Variants in NOC3L observed in about 807,000 individuals in gnomAD.
NOC3L encodes the protein nucleolar complex protein 3 homolog.
A neutral mutation model predicts 102.5 loss-of-function variants in NOC3L; 85 were observed. The ratio of observed to expected loss-of-function variants is 0.83; its 90% CI spans 0.70 to 0.99. NOC3L has a LOEUF of 0.99. Ranked by LOEUF, NOC3L falls within the 50% of genes least tolerant of loss-of-function variation. The pLI is 0.00. For missense variants in NOC3L, 878 were observed against 914.9 expected, an observed-to-expected ratio of 0.96 and a Z score of 0.52; for synonymous variants, 303 against 309.4, an observed-to-expected ratio of 0.98 and a Z score of 0.22.
At chr10:94,350,674 C>T in intron 8 of NOC3L, among the ~76,000 whole-genome samples, 1 of 146,702 alleles carries the variant, frequency 6.8e-6, no homozygotes, top group South Asian at 2.1e-4. Context: ...GCTGTGACTG[C>T]ACCACTGCAT....
chr10:94,348,263 T>A (rs1021200719), intron 10 of NOC3L, among the ~76,000 whole-genome samples: 1 of 151,268 alleles, frequency 6.6e-6, no homozygotes, highest in Non-Finnish European at 1.5e-5. Flanking sequence ...AAAATTAAAA[T>A]TAAAAATCTC....
chr10:94,315,676 T>C, the NOC3L span, among the ~76,000 whole-genome samples: 46,469 of 148,592 alleles, frequency 0.31, 7,461 homozygotes, highest in Middle Eastern at 0.48. Context: ...GGCTGAGGCA[T>C]GAGAATCACT....
intron 7 of NOC3L, among the ~76,000 whole-genome samples, chr10:94,352,609 G>A (rs1440898042): frequency 1.3e-5 from 2 of 152,118 alleles, no homozygotes. Context: ...ATCACCTGAG[G>A]TCAGGTGTTT....
rs545543986 is a variant in NOC3L, at chr10:94,360,785, C to T, written c.217+880G>A. On this transcript the variant is annotated intron_variant, in intron 2 of 20. Coordinates refer to ENST00000371361, the MANE Select transcript of NOC3L (RefSeq NM_022451.11). ...TGATGTGATTATTATGCATTGTATG[C>T]CTGTATCAAAGTACCTCATGTATCC... is the stretch of plus-strand genomic sequence containing the variant. Among the ~76,000 whole-genome samples, 5 of 152,074 alleles carry T rather than the reference C, an allele frequency of 3.3e-5. No individual in the cohort carries two copies. The East Asian group carries it at 7.7e-4, about 23-fold the overall frequency.
chr10:94,340,250 A>G (rs540151419), intron 16 of NOC3L, 26 bp downstream of exon 16: 1 of 1,563,750 alleles, frequency 6.4e-7, no homozygotes. Flanking sequence ...ATACATATAA[A>G]AGAAACATTA....
At chr10:94,358,046 A>G (rs2054508322) in intron 3 of NOC3L, 37 bp downstream of exon 3, 1 of 1,377,766 alleles carries the variant, frequency 7.3e-7, no homozygotes, top group Non-Finnish European at 1.0e-6. Flanking sequence ...TTAACACTAA[A>G]TGGATATGAA....
Position 94,357,287 on chromosome 10 carries a change from TC to T in NOC3L, c.394del (p.Asp132IlefsTer18), listed in dbSNP as rs765949966. ...AGTTCTTGGTATTTTTTCATATTTATCTATAATGCGTTCATGCTTCCGTTTC... is the reference window on the plus strand; with the variant it reads ...AGTTCTTGGTATTTTTTCATATTTATTATAATGCGTTCATGCTTCCGTTTC... The part of the protein sequence containing the change: ...AKKRKHERII[D>X]KYEKIPRTLQ... On this transcript the variant is annotated frameshift_variant, in exon 4 of 21. Transcript: ENST00000371361. LOFTEE classifies it high-confidence loss of function. 1 of 1,605,940 alleles carries T rather than the reference TC, an allele frequency of 6.2e-7. No individual in the cohort carries two copies. The highest frequency in any genetic ancestry group is 8.5e-7 in the Non-Finnish European group (1 of 1,176,120).
intron 5 of NOC3L, 42 bp from the exon 6 acceptor site, chr10:94,355,135 C>G: frequency 6.6e-7 from 1 of 1,504,830 alleles, no homozygotes; most frequent in Non-Finnish European, 9.0e-7. Context: ...CCTCTGCTTA[C>G]AAGTATCCAA....
In NOC3L at chr10:94,334,508, C is replaced by A. The variant is rs952946123; in HGVS notation, c.2274+126G>T. 8.4e-6 allele frequency: 6 copies of A among 713,744 alleles called. No individual in the cohort carries two copies. The African/African-American group carries it at 9.0e-5, about 11-fold the overall frequency. 44.2% of individuals were successfully genotyped at this position (713,744 alleles called of 1,614,324 possible). A position where few individuals can be genotyped will look rare whatever the true frequency, so the allele number is the denominator to read the frequency against. On this transcript the variant is annotated intron_variant, in intron 20 of 20. Coordinates refer to ENST00000371361, the MANE Select transcript of NOC3L (RefSeq NM_022451.11). Reference sequence around the variant, plus strand: ...AGAATTTCAACCTCAGAAATCCATCCTATGATGAAATCCTAAACATTAAAA... The same window carrying A: ...AGAATTTCAACCTCAGAAATCCATCATATGATGAAATCCTAAACATTAAAA...
chr10:94,350,685 T>C, intron 8 of NOC3L, among the ~76,000 whole-genome samples: 1 of 141,836 alleles, frequency 7.1e-6, no homozygotes, highest in Non-Finnish European at 1.5e-5. Context: ...ACCACTGCAT[T>C]CCAGCCTGGC....
chr10:94,341,853 G>A (rs868086726), intron 13 of NOC3L, 108 bp from the exon 14 acceptor site: 5 of 591,298 alleles, frequency 8.5e-6, no homozygotes, highest in East Asian at 6.4e-5. Context: ...ATTTCGAAAT[G>A]TTAGCTATGA....
Position 94,338,915 on chromosome 10 carries a change from C to CA in NOC3L, c.1963-180dup, listed in dbSNP as rs937545904. On this transcript the variant is annotated intron_variant, in intron 17 of 20. Coordinates refer to ENST00000371361, the MANE Select transcript of NOC3L (RefSeq NM_022451.11). ...GTTTATATAGTAAGAACAAGAGTTG[C>CA]AAAAAAAAATTTTATCTTTGCTTGC... 4.6e-5 allele frequency among the ~76,000 whole-genome samples: 7 copies of CA among 150,634 alleles called. 1 individual carries two copies. In the Middle Eastern group the frequency reaches 0.01, roughly 223 times the overall value.
intron 19 of NOC3L, 41 bp from the exon 20 acceptor site, chr10:94,334,759 C>T (rs557159362): frequency 1.6e-6 from 2 of 1,271,762 alleles, no homozygotes; most frequent in Admixed American, 1.8e-5. Flanking sequence ...ACCACCACAT[C>T]TGTGTAACTC....
At chr10:94,323,621 ATGT>A in the NOC3L span, among the ~76,000 whole-genome samples, 3 of 152,224 alleles carry the variant, frequency 2.0e-5, no homozygotes, top group East Asian at 5.8e-4. Flanking sequence ...TATATGTAAG[ATGT>A]TTAATACAAT....
At chr10:94,351,545 T>C (rs1307496077) in intron 8 of NOC3L, among the ~76,000 whole-genome samples, 1 of 152,202 alleles carries the variant, frequency 6.6e-6, no homozygotes, top group East Asian at 1.9e-4. Context: ...TCATTTCTTT[T>C]GAGACAGGGT....
chr10:94,324,815 C>T, the NOC3L span: 1 of 1,427,750 alleles, frequency 7.0e-7, no homozygotes, highest in Non-Finnish European at 9.8e-7. Flanking sequence ...GAGGAAAGCG[C>T]TCTTCTGAAA....
chr10:94,335,078 A>G (rs1211639941), intron 19 of NOC3L, among the ~76,000 whole-genome samples: 1 of 152,252 alleles, frequency 6.6e-6, no homozygotes, highest in Non-Finnish European at 1.5e-5. Context: ...GTCATTCTCC[A>G]CAGACTTAGA....
At chr10:94,316,805 T>C in the NOC3L span, 315 of 1,386,960 alleles carry the variant, frequency 2.3e-4, no homozygotes, top group East Asian at 6.2e-3. Context: ...ATTATGTGAT[T>C]AGCCATTTAC....
intron 6 of NOC3L, among the ~76,000 whole-genome samples, chr10:94,354,073 T>G (rs1369307064): frequency 1.3e-5 from 2 of 152,220 alleles, no homozygotes; most frequent in Admixed American, 1.3e-4. Flanking sequence ...CCTATGGTTT[T>G]GTAATGATTG....
Sources: gnomAD v4.1 joint callset for allele counts (sites outside exome capture counted in the v4.1 genomes callset) on GRCh38, gnomAD v4.1.1 for gene constraint, MANE v1.5 for transcripts, NCBI Gene and HGNC (gene_info 2026-07-23, HGNC 2026-07-21) for gene names.